The following SLC9A7 variants were observed in gnomAD, a reference collection of about 807,000 sequenced individuals.
The protein encoded by SLC9A7 is sodium/hydrogen exchanger 7.
Under a neutral mutation model 52.6 loss-of-function variants are expected in SLC9A7, and 19 were observed. The ratio of observed to expected loss-of-function variants is 0.36; its 90% CI spans 0.25 to 0.53. The LOEUF (loss-of-function observed/expected upper bound fraction) is 0.53. Among genes scored for constraint, SLC9A7 ranks in the 20% least tolerant of loss-of-function variants. The pLI is 0.91. For synonymous variants in SLC9A7, 226 were observed against 252.1 expected, an observed-to-expected ratio of 0.90 and a Z score of 0.98; for missense variants, 455 against 597.9, an observed-to-expected ratio of 0.76 and a Z score of 2.49.
intron 14 of SLC9A7, among the ~76,000 whole-genome samples, chrX:46,622,516 A>G (rs1201972683): frequency 1.8e-5 from 2 of 112,058 alleles, no homozygotes; most frequent in Non-Finnish European, 3.8e-5. Context: ...CAGCACAACG[A>G]TAAACATCAT....
At chrX:46,712,920 C>T (rs904973866) in intron 1 of SLC9A7, among the ~76,000 whole-genome samples, 2 of 111,722 alleles carry the variant, frequency 1.8e-5, no homozygotes, top group Non-Finnish European at 1.9e-5. Context: ...AAATAGAAAA[C>T]GACAGTACTG....
chrX:46,698,297 G>A (rs1944478636), intron 1 of SLC9A7, among the ~76,000 whole-genome samples: 1 of 110,975 alleles, frequency 9.0e-6, no homozygotes, highest in Admixed American at 9.6e-5. Flanking sequence ...GGGGCATCAC[G>A]GAACCTACCG....
At chrX:46,623,502 G>A (rs1943077395) in intron 14 of SLC9A7, among the ~76,000 whole-genome samples, 1 of 110,735 alleles carries the variant, frequency 9.0e-6, no homozygotes, top group African/African-American at 3.3e-5. Context: ...GCAGAAGCGT[G>A]GCTTCTCTAA....
At chrX:46,723,021 G>A (rs891675608) in intron 1 of SLC9A7, among the ~76,000 whole-genome samples, 1 of 111,115 alleles carries the variant, frequency 9.0e-6, no homozygotes, top group African/African-American at 3.3e-5. Context: ...AAAGCATTAG[G>A]CTCCTTACAA....
chrX:46,703,700 C>T (rs1347371314), intron 1 of SLC9A7, among the ~76,000 whole-genome samples: 1 of 111,883 alleles, frequency 8.9e-6, no homozygotes, highest in East Asian at 2.8e-4. Flanking sequence ...TGTCCACTCA[C>T]ATAATGGAGT....
At chrX:46,655,964 A>G (rs1251867371) in intron 7 of SLC9A7, among the ~76,000 whole-genome samples, 10 of 111,652 alleles carry the variant, frequency 9.0e-5, no homozygotes, top group African/African-American at 2.3e-4. Flanking sequence ...GCAGACTTAA[A>G]TGTCCCTGTC....
At chrX:46,634,508 C>T (rs1324387736) in intron 13 of SLC9A7, among the ~76,000 whole-genome samples, 1 of 110,722 alleles carries the variant, frequency 9.0e-6, no homozygotes, top group African/African-American at 3.3e-5. Context: ...GAATATGAGA[C>T]ACACATCTTC....
intron 1 of SLC9A7, among the ~76,000 whole-genome samples, chrX:46,741,444 T>C (rs1921343604): frequency 9.0e-6 from 1 of 111,501 alleles, no homozygotes; most frequent in Non-Finnish European, 1.9e-5. Context: ...CACAGATCAG[T>C]GGAATAAAAT....
At position 46,758,870 on chromosome X, in the gene SLC9A7, T is replaced by A. The variant is rs1556294734; in HGVS notation, c.160A>T (p.Met54Leu). ...SGAAAEDSSA[M>L]EELATEKEAE... is the part of the protein sequence containing the mutation. ...TCCTTCTCAGTAGCGAGCTCCTCCA[T>A]GGCGCTGCTGTCCTCCGCCGCCGCC... is the stretch of plus-strand genomic sequence containing the variant. Residue 54 changes from methionine (M) to leucine (L), a missense_variant, in exon 1 of 17, where the codon ATG becomes TTG. By Grantham distance (15) the Met-to-Leu change is conservative. Around this residue, in one of 3 missense-constraint regions of SLC9A7, gnomAD observed 304 missense variants for 417.8 expected, o/e 0.73. Transcript: ENST00000616978. 8.4e-7 allele frequency: 1 copy of A among 1,195,263 alleles called. No homozygotes were observed. The highest frequency in any genetic ancestry group is 1.1e-6 in the Non-Finnish European group (1 of 888,347).
intron 15 of SLC9A7, 100 bp from the exon 16 acceptor site, chrX:46,613,494 T>A (rs1185247147): frequency 1.9e-6 from 1 of 520,247 alleles, no homozygotes; most frequent in East Asian, 3.7e-5. Context: ...AAAAACCTTC[T>A]TTTCCCCATT....
chrX:46,684,446 C>A (rs1944262461), intron 1 of SLC9A7, among the ~76,000 whole-genome samples: 1 of 111,885 alleles, frequency 8.9e-6, no homozygotes, highest in African/African-American at 3.3e-5. Flanking sequence ...CTCTGGTGAT[C>A]CACCCACCTC....
At position 46,682,548 on chromosome X, in the gene SLC9A7, A is replaced by G. The variant is rs1173151129; in HGVS notation, c.326-13T>C. The G allele has an allele frequency of 2.5e-6, 3 of 1,191,270 alleles. No homozygotes were observed. The highest frequency in any genetic ancestry group is 2.3e-6 in the Non-Finnish European group (2 of 879,216). On this transcript the variant is annotated splice_polypyrimidine_tract_variant and intron_variant, in intron 1 of 16. Transcript: ENST00000616978. ...CCAACGATGAGCCCTGAAAGAGTGG[A>G]AAAAAACTCATCAGGCCTGAGGAAG...
intron 1 of SLC9A7, among the ~76,000 whole-genome samples, chrX:46,743,947 T>C (rs978282550): frequency 4.5e-5 from 5 of 112,084 alleles, no homozygotes; most frequent in Non-Finnish European, 9.4e-5. Context: ...AAAAGTTACA[T>C]TCAGGTTCAG....
rs1449486867 is a variant in SLC9A7 at position 46,604,218 on chromosome X, C to T, written c.*2734G>A. The T allele has an allele frequency of 8.9e-6, 1 of 112,032 alleles. No homozygotes were observed. The highest frequency in any genetic ancestry group is 3.2e-5 in the African/African-American group (1 of 30,793). 9.2% of individuals were successfully genotyped at this position (112,032 alleles called of 1,213,427 possible). ...GCAACCTCACCCCAGGATATAAGAA[C>T]TTCCCTTCCAGGGGCTATGAAAGCT... On this transcript the variant is annotated 3_prime_UTR_variant, in exon 17 of 17. Coordinates refer to ENST00000616978, the MANE Select transcript of SLC9A7 (RefSeq NM_001257291.2).
intron 1 of SLC9A7, chrX:46,725,411 C>T: frequency 4.2e-6 from 5 of 1,181,716 alleles, no homozygotes; most frequent in South Asian, 3.6e-5. Context: ...CCATCATATC[C>T]TCTAGCTGGT....
intron 15 of SLC9A7, among the ~76,000 whole-genome samples, chrX:46,619,096 AGACTT>A (rs1302482969): frequency 8.9e-6 from 1 of 112,412 alleles, no homozygotes; most frequent in East Asian, 2.8e-4. Context: ...AATGGGCAAA[AGACTT>A]GAACAGGCAC....
At chrX:46,754,413 C>G (rs1376542734) in intron 1 of SLC9A7, among the ~76,000 whole-genome samples, 2 of 112,015 alleles carry the variant, frequency 1.8e-5, no homozygotes, top group Non-Finnish European at 3.8e-5. Context: ...CAAAGTGAGA[C>G]CATACAGAAG....
chrX:46,738,112 A>AG (rs1354100836), intron 1 of SLC9A7, among the ~76,000 whole-genome samples: 12 of 107,844 alleles, frequency 1.1e-4, no homozygotes, highest in African/African-American at 4.0e-4. Context: ...AGAAAGAGAA[A>AG]AGAAAAGAAA....
At chrX:46,726,742 G>A (rs1322816436) in intron 1 of SLC9A7, among the ~76,000 whole-genome samples, 4 of 111,316 alleles carry the variant, frequency 3.6e-5, no homozygotes, top group South Asian at 3.8e-4. Context: ...ATCAGGGACC[G>A]CAGCTTCATC....
Sources: allele counts gnomAD v4.1 joint callset (sites outside exome capture counted in the v4.1 genomes callset), GRCh38; gene constraint gnomAD v4.1.1; regional missense constraint gnomAD v4.1.1; transcripts MANE v1.5; gene names NCBI Gene and HGNC (gene_info 2026-07-23, HGNC 2026-07-21).